ZNF148: variants seen among roughly 807,000 people sequenced by gnomAD.
The protein encoded by ZNF148 is zinc finger protein 148, also known as Beta-Enolase Repressor Factor-1.
A neutral mutation model predicts 67.7 loss-of-function variants in ZNF148; 7 were observed. That is an observed-to-expected ratio of 0.10 (90% CI 0.06 to 0.19). The LOEUF (loss-of-function observed/expected upper bound fraction) is 0.19, where lower values mean the gene tolerates loss of function less well. Ranked by LOEUF, ZNF148 falls within the 10% of genes least tolerant of loss-of-function variation. The pLI is 1.00. For missense variants in ZNF148, 583 were observed against 947.1 expected (o/e 0.62, Z 5.05); for synonymous variants, 333 against 330.7 (o/e 1.01, Z -0.08).
intron 4 of ZNF148, among the ~76,000 whole-genome samples, chr3:125,304,961 A>C (rs1043490348): frequency 6.6e-6 from 1 of 152,242 alleles, no homozygotes; most frequent in Non-Finnish European, 1.5e-5. Context: ...GACTGACGAG[A>C]TATGTCCAAG....
chr3:125,340,150 C>T (rs6438896), intron 1 of ZNF148, among the ~76,000 whole-genome samples: 118,099 of 152,152 alleles, frequency 0.78, 46,443 homozygotes, highest in African/African-American at 0.87. Flanking sequence ...TCACACCCAA[C>T]AGAAGAAGAC....
At chr3:125,279,386 G>T in intron 5 of ZNF148, 139 bp from the exon 6 acceptor site, 1 of 727,614 alleles carries the variant, frequency 1.4e-6, no homozygotes, top group Non-Finnish European at 2.0e-6. Context: ...ATCTTGAAAA[G>T]ACTATTAGAA....
intron 1 of ZNF148, among the ~76,000 whole-genome samples, chr3:125,350,242 C>A (rs1942093434): frequency 6.6e-6 from 1 of 152,188 alleles, no homozygotes; most frequent in Non-Finnish European, 1.5e-5. Context: ...TTACTGCAAT[C>A]TCCCGTCTCC....
chr3:125,317,700 T>C (rs75590706), intron 3 of ZNF148, among the ~76,000 whole-genome samples: 49,222 of 113,308 alleles, frequency 0.43, 9,904 homozygotes, highest in Non-Finnish European at 0.45. Context: ...CACACACACA[T>C]ATATATATAT....
At chr3:125,292,777 C>T (rs1184707284) in intron 4 of ZNF148, 1 of 152,166 alleles carries the variant, frequency 6.6e-6, no homozygotes, top group African/African-American at 2.4e-5. Flanking sequence ...GTCCCTTATG[C>T]CCTTTCAGGT....
chr3:125,272,641 T>C (rs1937813726), intron 7 of ZNF148, among the ~76,000 whole-genome samples: 1 of 149,348 alleles, frequency 6.7e-6, no homozygotes. Context: ...ATATATTTAA[T>C]TACACCATAC....
chr3:125,369,131 G>A (rs1482235430), intron 1 of ZNF148, among the ~76,000 whole-genome samples: 3 of 150,644 alleles, frequency 2.0e-5, no homozygotes, highest in African/African-American at 7.3e-5. Flanking sequence ...GTGTGCTGGT[G>A]TGTGCCTCTA....
chr3:125,325,097 C>T (rs554538454), intron 2 of ZNF148, among the ~76,000 whole-genome samples: 1 of 152,072 alleles, frequency 6.6e-6, no homozygotes, highest in South Asian at 2.1e-4. Flanking sequence ...TTAAAAGGAA[C>T]TCATGTTTTA....
At chr3:125,272,448 A>T (rs1937799862) in intron 7 of ZNF148, among the ~76,000 whole-genome samples, 1 of 152,238 alleles carries the variant, frequency 6.6e-6, no homozygotes, top group South Asian at 2.1e-4. Flanking sequence ...CATACATAAA[A>T]TACATACACT....
At chr3:125,331,666 A>T (rs1424573191) in intron 1 of ZNF148, among the ~76,000 whole-genome samples, 1 of 152,218 alleles carries the variant, frequency 6.6e-6, no homozygotes, top group South Asian at 2.1e-4. Context: ...CCTCAGCTGA[A>T]AAAATCTAAA....
chr3:125,336,857 A>G (rs1159928935), intron 1 of ZNF148, among the ~76,000 whole-genome samples: 1 of 151,280 alleles, frequency 6.6e-6, no homozygotes, highest in Non-Finnish European at 1.5e-5. Flanking sequence ...TTTGTATTTT[A>G]GTAGAGATGG....
At chr3:125,312,546 G>A (rs529761738) in intron 4 of ZNF148, among the ~76,000 whole-genome samples, 1 of 152,254 alleles carries the variant, frequency 6.6e-6, no homozygotes, top group South Asian at 2.1e-4. Context: ...CAAGAGAAGT[G>A]ACAGGCTGAT....
rs1170041244 is a variant in ZNF148, at chr3:125,228,442, CATTATTAAATG to C, written c.*3888_*3898del. ...CTTATAAAAACTGATTAAAGATAAT[CATTATTAAATG>C]AAATAAGGATAATTAATAACTCTGA... On this transcript the variant is annotated 3_prime_UTR_variant, in exon 9 of 9. Transcript: ENST00000360647. 1 of 152,568 alleles carries C rather than the reference CATTATTAAATG, an allele frequency of 6.6e-6. No homozygotes were observed. 9.5% of individuals were successfully genotyped at this position (152,568 alleles called of 1,614,324 possible).
Position 125,279,223 on chromosome 3 carries a change from A to G in ZNF148, c.484T>C (p.Ser162Pro). ...GATTTAGGGGTTTTCAAACCAAGTG[A>G]TCCATCCTCATTTATTGTAAGGATC... ...AKILTINEDG[S>P]LGLKTPKSHV... Residue 162 changes from serine (S) to proline (P), a missense_variant, in exon 6 of 9, where the codon TCA becomes CCA. By Grantham distance (74) the Ser-to-Pro change is moderately conservative. Coordinates refer to ENST00000360647, the MANE Select transcript of ZNF148 (RefSeq NM_021964.3). 6.3e-7 allele frequency: 1 copy of G among 1,593,376 alleles called. No homozygotes were observed. The highest frequency in any genetic ancestry group is 8.5e-7 in the Non-Finnish European group (1 of 1,169,754).
At chr3:125,330,862 T>C (rs1941260319) in intron 2 of ZNF148, among the ~76,000 whole-genome samples, 1 of 152,142 alleles carries the variant, frequency 6.6e-6, no homozygotes, top group African/African-American at 2.4e-5. Flanking sequence ...GAGGATCATT[T>C]GCCTTCCTAA....
At chr3:125,373,557 C>T (rs1429700659) in intron 1 of ZNF148, among the ~76,000 whole-genome samples, 1 of 152,070 alleles carries the variant, frequency 6.6e-6, no homozygotes, top group African/African-American at 2.4e-5. Context: ...TCCCTCCAAC[C>T]TGGCTCTAGA....
At chr3:125,257,912 T>C (rs1196735609) in intron 7 of ZNF148, among the ~76,000 whole-genome samples, 1 of 152,178 alleles carries the variant, frequency 6.6e-6, no homozygotes, top group Non-Finnish European at 1.5e-5. Context: ...ACCTTTATAG[T>C]GTTCCTTCTA....
At chr3:125,241,526 T>C (rs1936360330) in intron 7 of ZNF148, among the ~76,000 whole-genome samples, 1 of 152,170 alleles carries the variant, frequency 6.6e-6, no homozygotes, top group South Asian at 2.1e-4. Context: ...TTTAATTCAC[T>C]GTTCTTATCT....
chr3:125,371,075 G>A (rs748731452), intron 1 of ZNF148, among the ~76,000 whole-genome samples: 26 of 152,034 alleles, frequency 1.7e-4, no homozygotes, highest in Non-Finnish European at 2.6e-4. Context: ...AATTGTGGCC[G>A]GGCACGGTGG....
Sources: allele counts gnomAD v4.1 joint callset (sites outside exome capture counted in the v4.1 genomes callset), GRCh38; gene constraint gnomAD v4.1.1; transcripts MANE v1.5; gene names NCBI Gene and HGNC (gene_info 2026-07-23, HGNC 2026-07-21).